Variants in EDEM1 observed in about 807,000 individuals in gnomAD.
EDEM1 encodes the protein ER degradation-enhancing alpha-mannosidase-like protein 1.
EDEM1 carries 67 observed loss-of-function variants against 74.4 expected under a neutral mutation model. The observed-to-expected ratio is 0.90, with a 90% CI of 0.74 to 1.10. The LOEUF is 1.10. Ranked by LOEUF, EDEM1 falls within the 50% of genes least tolerant of loss-of-function variation. The pLI, the probability that EDEM1 is intolerant of heterozygous loss-of-function variation, is 0.00. For missense variants in EDEM1, 926 were observed against 851.6 expected (o/e 1.09, Z -1.09); for synonymous variants, 382 against 335.9 (o/e 1.14, Z -1.50).
chr3:5,188,034 A>T lies in EDEM1; in HGVS notation c.229A>T (p.Thr77Ser). The T allele has an allele frequency of 6.9e-7, 1 of 1,450,706 alleles. No individual in the cohort carries two copies. The highest frequency in any genetic ancestry group is 9.0e-7 in the Non-Finnish European group (1 of 1,105,920). The allele number at this position is 1,450,706 out of a possible 1,614,324, so 89.9% of individuals were successfully genotyped here. A position where few individuals can be genotyped will look rare whatever the true frequency, so the allele number is the denominator to read the frequency against. The change falls in exon 1 of 12, where the codon ACC (threonine) becomes TCC (serine). Residue 77 changes from threonine (T) to serine (S), a missense_variant. By Grantham distance (58) the Thr-to-Ser change is moderately conservative. Coordinates refer to ENST00000256497, the MANE Select transcript of EDEM1 (RefSeq NM_014674.3). ...SGPSWLQPPG[T>S]GAAQSPRKAP... ...GCCGTCGTGGCTGCAGCCGCCGGGG[A>T]CCGGGGCAGCGCAGAGCCCGCGCAA...
intron 2 of EDEM1, among the ~76,000 whole-genome samples, chr3:5,196,141 G>C (rs1330845171): frequency 1.3e-5 from 2 of 152,178 alleles, no homozygotes; most frequent in Admixed American, 1.3e-4. Flanking sequence ...TGCCATAGAA[G>C]AGTTTAAAGC....
chr3:5,193,084 G>A (rs952649263), intron 1 of EDEM1, among the ~76,000 whole-genome samples: 1 of 152,206 alleles, frequency 6.6e-6, no homozygotes, highest in African/African-American at 2.4e-5. Flanking sequence ...CCTTCCATGG[G>A]CCTGTGCAGG....
intron 6 of EDEM1, among the ~76,000 whole-genome samples, chr3:5,206,571 G>A (rs943138905): frequency 5.9e-5 from 9 of 152,180 alleles, no homozygotes; most frequent in African/African-American, 2.2e-4. Flanking sequence ...TATAGCTACT[G>A]AGCTTCCTGC....
At position 5,219,024 on chromosome 3, in the gene EDEM1, T is replaced by C. The variant is rs2106616270; in HGVS notation, c.*3106T>C. ...TGTGCACGTGACTATTAGAGGAGCG[T>C]CTGTAGAAGTACCTGGTTTGGTCAG... On this transcript the variant is annotated 3_prime_UTR_variant, in exon 12 of 12. Transcript: ENST00000256497. 6.6e-6 allele frequency: 1 copy of C among 152,038 alleles called. No homozygotes were observed. The highest frequency in any genetic ancestry group is 1.9e-4 in the East Asian group (1 of 5,168). 9.4% of individuals were successfully genotyped at this position (152,038 alleles called of 1,614,324 possible).
chr3:5,200,996 A>C (rs2055028293), intron 3 of EDEM1, among the ~76,000 whole-genome samples: 1 of 151,458 alleles, frequency 6.6e-6, no homozygotes, highest in Non-Finnish European at 1.5e-5. Flanking sequence ...TCCTGGGCTC[A>C]AGCGATCCTC....
chr3:5,209,555 A>G (rs966969654), intron 8 of EDEM1, among the ~76,000 whole-genome samples: 5 of 152,224 alleles, frequency 3.3e-5, no homozygotes, highest in African/African-American at 9.6e-5. Context: ...GGCACTAGGC[A>G]TGAATTAAAG....
At chr3:5,204,340 T>A (rs1481554566) in intron 5 of EDEM1, among the ~76,000 whole-genome samples, 1 of 152,072 alleles carries the variant, frequency 6.6e-6, no homozygotes, top group East Asian at 1.9e-4. Context: ...TGTTGTTGTT[T>A]TTATTATTAA....
At chr3:5,215,528 G>A (rs552310518) in intron 11 of EDEM1, among the ~76,000 whole-genome samples, 16 of 152,292 alleles carry the variant, frequency 1.1e-4, no homozygotes, top group Admixed American at 3.3e-4. Context: ...AGTGAGTGAG[G>A]ATGTTAAATT....
chr3:5,201,722 T>C (rs781159108), intron 3 of EDEM1, 31 bp from the exon 4 acceptor site: 29 of 1,613,000 alleles, frequency 1.8e-5, no homozygotes, highest in Non-Finnish European at 2.4e-5. Flanking sequence ...GCAACACGAT[T>C]GTATTATCTT....
At position 5,215,493 on chromosome 3, in the gene EDEM1, C is replaced by T. The variant is rs570304844; in HGVS notation, c.1885-336C>T. ...CAGTTGCTGCGATGCCTTTTAGCTT[C>T]CCTGGATCTGCCATTTCTTTATAAA... On this transcript the variant is annotated intron_variant, in intron 11 of 11. Transcript: ENST00000256497. Among the ~76,000 whole-genome samples, 179 of 152,340 alleles carry T rather than the reference C, an allele frequency of 1.2e-3. 1 individual carries two copies. Among genetic ancestry groups the T allele is most frequent in the African/African-American group, 4.0e-3 (166 of 41,580 alleles).
At chr3:5,198,742 G>C (rs2055001324) in intron 2 of EDEM1, among the ~76,000 whole-genome samples, 1 of 141,556 alleles carries the variant, frequency 7.1e-6, no homozygotes, top group African/African-American at 2.6e-5. Flanking sequence ...GCCTGATGCA[G>C]TTCCTAGCTT....
At chr3:5,203,382 C>G (rs2055056971) in intron 5 of EDEM1, among the ~76,000 whole-genome samples, 1 of 152,214 alleles carries the variant, frequency 6.6e-6, no homozygotes, top group Non-Finnish European at 1.5e-5. Flanking sequence ...GATCCCCTGG[C>G]ATATTCCACT....
chr3:5,197,840 G>C (rs539783283), intron 2 of EDEM1, among the ~76,000 whole-genome samples: 2 of 152,292 alleles, frequency 1.3e-5, no homozygotes, highest in Non-Finnish European at 2.9e-5. Flanking sequence ...TACTCTGTAG[G>C]TTACAGCAAA....
At chr3:5,209,844 T>C (rs1378876788) in intron 8 of EDEM1, among the ~76,000 whole-genome samples, 1 of 152,188 alleles carries the variant, frequency 6.6e-6, no homozygotes, top group Non-Finnish European at 1.5e-5. Flanking sequence ...AAGATAGAAA[T>C]TGGATTTGTT....
At chr3:5,194,264 G>A (rs1023802429) in intron 1 of EDEM1, among the ~76,000 whole-genome samples, 1 of 152,184 alleles carries the variant, frequency 6.6e-6, no homozygotes, top group Non-Finnish European at 1.5e-5. Context: ...GTTGTCTTAT[G>A]TCTTCTCTTA....
chr3:5,199,336 A>G (rs2055007310), intron 2 of EDEM1, among the ~76,000 whole-genome samples: 1 of 152,274 alleles, frequency 6.6e-6, no homozygotes, highest in African/African-American at 2.4e-5. Context: ...GAAGATGAGG[A>G]GTGCCAATGA....
rs772112602 is a variant in EDEM1, at chr3:5,195,280, C to T, written c.581C>T (p.Ala194Val). ...LTLVDALDTL[A>V]IMGNSSEFQK... The stretch of plus-strand genomic sequence containing the variant: ...CTTGTTGATGCATTGGATACACTTG[C>T]AGTAAGTGTTCACCTTTTTTTAAAA... The change falls in exon 2 of 12, where the codon GCA becomes GTA. Residue 194 changes from alanine to valine, a missense_variant and splice_region_variant. By Grantham distance (64) the Ala-to-Val change is moderately conservative. Coordinates refer to ENST00000256497, the MANE Select transcript of EDEM1 (RefSeq NM_014674.3). The T allele has an allele frequency of 3.2e-6, 5 of 1,544,614 alleles. No individual in the cohort carries two copies. In the East Asian group the frequency reaches 7.0e-5, roughly 22 times the overall value.
intron 7 of EDEM1, among the ~76,000 whole-genome samples, chr3:5,207,568 G>A (rs1185285389): frequency 3.3e-5 from 5 of 152,096 alleles, no homozygotes; most frequent in East Asian, 1.9e-4. Flanking sequence ...GTGCAGTGGC[G>A]CAATCTTGGC....
At chr3:5,208,896 T>G (rs2055134078) in intron 8 of EDEM1, among the ~76,000 whole-genome samples, 1 of 152,154 alleles carries the variant, frequency 6.6e-6, no homozygotes, top group Non-Finnish European at 1.5e-5. Flanking sequence ...CAGGTATTTA[T>G]ACTTCTGTGT....
Sources: allele counts gnomAD v4.1 joint callset (sites outside exome capture counted in the v4.1 genomes callset), GRCh38; gene constraint gnomAD v4.1.1; transcripts MANE v1.5; gene names NCBI Gene and HGNC (gene_info 2026-07-23, HGNC 2026-07-21).